Variants in CELF4 observed in about 807,000 individuals in gnomAD.
CELF4 encodes CUGBP Elav-like family member 4.
Under a neutral mutation model 59.9 loss-of-function variants are expected in CELF4, and 18 were observed. The observed-to-expected ratio is 0.30, with a 90% CI of 0.21 to 0.45. The LOEUF (loss-of-function observed/expected upper bound fraction) is 0.45. Among genes scored for constraint, CELF4 ranks in the 20% least tolerant of loss-of-function variants. CELF4 has a pLI of 1.00. For missense variants in CELF4, 456 were observed against 689.0 expected (o/e 0.66, Z 3.79); for synonymous variants, 261 against 267.1 (o/e 0.98, Z 0.22).
intron 3 of CELF4, among the ~76,000 whole-genome samples, chr18:37,303,945 T>G (rs1954881): frequency 0.73 from 110,813 of 152,076 alleles, 40,468 homozygotes; most frequent in Middle Eastern, 0.79. Context: ...GGAGAAGGCT[T>G]CCCTGGGCCC....
intron 2 of CELF4, among the ~76,000 whole-genome samples, chr18:37,456,076 TC>T (rs2099777436): frequency 6.6e-6 from 1 of 152,184 alleles, no homozygotes; most frequent in Non-Finnish European, 1.5e-5. Context: ...CTACCCTTGG[TC>T]ACCTGTGGCA....
rs925080520 is a variant in CELF4, at chr18:37,300,248, G to A, written c.448+21555C>T. On this transcript the variant is annotated intron_variant, in intron 3 of 12. Coordinates refer to ENST00000420428, the MANE Select transcript of CELF4 (RefSeq NM_020180.4). Reference sequence around the variant, plus strand: ...CAGCACTTTTTTTTTTTTTTGATACGGAGTCTTGCTCTGTTGGCCAGGCTG... The same window carrying A: ...CAGCACTTTTTTTTTTTTTTGATACAGAGTCTTGCTCTGTTGGCCAGGCTG... Among the ~76,000 whole-genome samples the A allele has an allele frequency of 1.4e-4, 21 of 149,676 alleles. 1 individual carries two copies. The highest frequency in any genetic ancestry group is 2.5e-4 in the Non-Finnish European group (17 of 67,620).
intron 2 of CELF4, among the ~76,000 whole-genome samples, chr18:37,406,359 A>G (rs2099389203): frequency 6.6e-6 from 1 of 152,108 alleles, no homozygotes; most frequent in South Asian, 2.1e-4. Flanking sequence ...GCATAAGCCC[A>G]CAGGATAGCT....
intron 3 of CELF4, among the ~76,000 whole-genome samples, chr18:37,306,810 G>C (rs2096432470): frequency 6.6e-6 from 1 of 152,040 alleles, no homozygotes; most frequent in Non-Finnish European, 1.5e-5. Context: ...CGTAAGGAGA[G>C]GAGAATGGGG....
At chr18:37,478,707 TG>T (rs1178597024) in intron 2 of CELF4, among the ~76,000 whole-genome samples, 4 of 152,156 alleles carry the variant, frequency 2.6e-5, no homozygotes, top group Non-Finnish European at 5.9e-5. Context: ...AGGGATAACG[TG>T]GAAGAGCAGA....
At chr18:37,488,840 G>A (rs2099889122) in intron 1 of CELF4, among the ~76,000 whole-genome samples, 2 of 152,204 alleles carry the variant, frequency 1.3e-5, no homozygotes, top group South Asian at 2.1e-4. Flanking sequence ...TGAAAGGAAT[G>A]GAGATGAAAG....
chr18:37,472,786 G>A (rs1054913620), intron 2 of CELF4, among the ~76,000 whole-genome samples: 19 of 152,320 alleles, frequency 1.2e-4, no homozygotes, highest in African/African-American at 4.6e-4. Flanking sequence ...GAAATTGGGA[G>A]GCCTGAAGGA....
chr18:37,518,057 C>G (rs1206293152), intron 1 of CELF4, among the ~76,000 whole-genome samples: 1 of 152,124 alleles, frequency 6.6e-6, no homozygotes, highest in Non-Finnish European at 1.5e-5. Flanking sequence ...GTGGGTGGCA[C>G]TGGGCCATGG....
At chr18:37,499,551 T>C (rs1282657462) in intron 1 of CELF4, among the ~76,000 whole-genome samples, 4 of 152,070 alleles carry the variant, frequency 2.6e-5, no homozygotes, top group Non-Finnish European at 5.9e-5. Context: ...GGAGTGTGGA[T>C]TGAGCACTCT....
intron 2 of CELF4, among the ~76,000 whole-genome samples, chr18:37,352,477 T>C (rs1249894655): frequency 6.6e-6 from 1 of 151,826 alleles, no homozygotes; most frequent in Admixed American, 6.6e-5. Context: ...ACCCAGTCTC[T>C]ATAAAAAATA....
chr18:37,354,116 C>T (rs1383621679), intron 2 of CELF4, among the ~76,000 whole-genome samples: 1 of 151,974 alleles, frequency 6.6e-6, no homozygotes, highest in East Asian at 1.9e-4. Flanking sequence ...TTACTTTTTT[C>T]CCTTAGGACT....
chr18:37,262,407 G>C (rs12966638), intron 10 of CELF4, among the ~76,000 whole-genome samples: 49,745 of 150,804 alleles, frequency 0.33, 9,594 homozygotes, highest in Non-Finnish European at 0.43. Flanking sequence ...GGTGGGGGAG[G>C]GGGGGGCAGG....
rs1363346958 is a variant in CELF4 at position 37,245,975 on chromosome 18, TCAGA to T, written c.*45-782_*45-779del. On this transcript the variant is annotated intron_variant, in intron 12 of 12. Transcript: ENST00000420428. The surrounding 1 kb of genome is among the most constrained non-coding windows in gnomAD (Gnocchi z 4.1). Reference sequence around the variant, plus strand: ...AATTATCAAACTTAAATAAATTAACTCAGACAGTGCTTGATTTTGTTTTGAATGG... The same window carrying T: ...AATTATCAAACTTAAATAAATTAACTCAGTGCTTGATTTTGTTTTGAATGG... 2.6e-5 allele frequency among the ~76,000 whole-genome samples: 4 copies of T among 152,198 alleles called. No individual in the cohort carries two copies. Among genetic ancestry groups the T allele is most frequent in the East Asian group, 1.9e-4 (1 of 5,198 alleles).
chr18:37,354,745 C>T (rs1344376554), intron 2 of CELF4, among the ~76,000 whole-genome samples: 1 of 152,114 alleles, frequency 6.6e-6, no homozygotes, highest in Admixed American at 6.5e-5. Context: ...AAAGGGCCCT[C>T]TAGGCCTTCC....
chr18:37,399,934 G>T (rs1468445962), intron 2 of CELF4, among the ~76,000 whole-genome samples: 1 of 152,148 alleles, frequency 6.6e-6, no homozygotes, highest in Non-Finnish European at 1.5e-5. Flanking sequence ...ACTGATTTAG[G>T]TCCACTGGGA....
chr18:37,549,232 T>A (rs1229566807), intron 1 of CELF4, among the ~76,000 whole-genome samples: 1 of 152,186 alleles, frequency 6.6e-6, no homozygotes, highest in East Asian at 1.9e-4. Context: ...ATCCAAACCA[T>A]CCTAGAGCAG....
At chr18:37,510,208 CACA>C (rs2099942652) in intron 1 of CELF4, among the ~76,000 whole-genome samples, 1 of 152,158 alleles carries the variant, frequency 6.6e-6, no homozygotes, top group Non-Finnish European at 1.5e-5. Context: ...TACACTAAAG[CACA>C]ACAACTTTAC....
At chr18:37,439,541 CCTT>C (rs1385698865) in intron 2 of CELF4, among the ~76,000 whole-genome samples, 1 of 152,138 alleles carries the variant, frequency 6.6e-6, no homozygotes, top group Non-Finnish European at 1.5e-5. Flanking sequence ...ACACTGTGTG[CCTT>C]CTTCTCCTAA....
intron 1 of CELF4, among the ~76,000 whole-genome samples, chr18:37,551,728 C>G (rs1294088669): frequency 6.6e-6 from 1 of 152,160 alleles, no homozygotes; most frequent in Non-Finnish European, 1.5e-5. Context: ...TTTCTCAGCC[C>G]AAGTGGGCTG....
Sources: gnomAD v4.1 joint callset for allele counts (sites outside exome capture counted in the v4.1 genomes callset) on GRCh38, gnomAD v4.1.1 for gene constraint, Gnocchi (gnomAD v3.1) non-coding constraint, MANE v1.5 for transcripts, NCBI Gene and HGNC (gene_info 2026-07-23, HGNC 2026-07-21) for gene names.